Variants in EBF1 observed in about 807,000 individuals in gnomAD.
EBF1 encodes the protein transcription factor COE1.
Under a neutral mutation model 68.4 loss-of-function variants are expected in EBF1, and 10 were observed. That is an observed-to-expected ratio of 0.15 (90% CI 0.09 to 0.25). EBF1 has a LOEUF of 0.25. Among genes scored for constraint, EBF1 ranks in the 10% least tolerant of loss-of-function variants. EBF1 has a pLI of 1.00. For missense variants in EBF1, 509 were observed against 794.4 expected, an observed-to-expected ratio of 0.64 and a Z score of 4.32; for synonymous variants, 298 against 299.8, an observed-to-expected ratio of 0.99 and a Z score of 0.06.
chr5:158,735,154 G>A (rs910303503), intron 10 of EBF1, among the ~76,000 whole-genome samples: 9 of 152,188 alleles, frequency 5.9e-5, no homozygotes, highest in Admixed American at 1.3e-4. Context: ...CAAACTTTCC[G>A]AAAGGTACAC....
intron 6 of EBF1, among the ~76,000 whole-genome samples, chr5:158,848,719 T>C (rs1443604541): frequency 6.6e-6 from 1 of 152,230 alleles, no homozygotes; most frequent in African/African-American, 2.4e-5. Context: ...GCTGTTAATA[T>C]CTCCTTGTTC....
intron 6 of EBF1, among the ~76,000 whole-genome samples, chr5:158,866,876 TATATATATATATATATATAA>T (rs1796015600): frequency 2.0e-5 from 1 of 49,020 alleles, no homozygotes; most frequent in African/African-American, 7.6e-5. Flanking sequence ...TATATATATA[TATATATATATATATATATAA>T]AGCCACATAG....
At chr5:158,749,140 T>C (rs570231474) in intron 10 of EBF1, among the ~76,000 whole-genome samples, 2 of 152,188 alleles carry the variant, frequency 1.3e-5, no homozygotes, top group Non-Finnish European at 2.9e-5. Context: ...TCTTCCCGAG[T>C]ATGTGGCCTC....
chr5:158,877,602 G>T (rs2128079870), intron 6 of EBF1, among the ~76,000 whole-genome samples: 1 of 152,234 alleles, frequency 6.6e-6, no homozygotes, highest in Admixed American at 6.5e-5. Flanking sequence ...CAAAAATAGA[G>T]ACTAAATTAT....
chr5:159,002,591 A>T (rs1027077058), intron 6 of EBF1, among the ~76,000 whole-genome samples: 4 of 152,204 alleles, frequency 2.6e-5, no homozygotes, highest in African/African-American at 9.7e-5. Flanking sequence ...TAGGGCATTC[A>T]TCTTACAGTA....
At chr5:158,920,794 T>C (rs1562302974) in intron 6 of EBF1, among the ~76,000 whole-genome samples, 2 of 152,172 alleles carry the variant, frequency 1.3e-5, no homozygotes, top group Non-Finnish European at 2.9e-5. Flanking sequence ...CTCATAGATA[T>C]GCTTGCCCCT....
chr5:158,983,012 T>C (rs1345822558), intron 6 of EBF1: 1 of 152,342 alleles, frequency 6.6e-6, no homozygotes, highest in East Asian at 1.9e-4. Context: ...TGCCACACTT[T>C]ACCTAAGAGG....
At chr5:159,016,048 G>T (rs769443094) in intron 6 of EBF1, among the ~76,000 whole-genome samples, 1 of 152,170 alleles carries the variant, frequency 6.6e-6, no homozygotes, top group East Asian at 1.9e-4. Context: ...TAAATCCTTA[G>T]CATGTCTGGA....
intron 6 of EBF1, among the ~76,000 whole-genome samples, chr5:158,861,692 T>C (rs1190868410): frequency 6.6e-6 from 1 of 152,226 alleles, no homozygotes; most frequent in Non-Finnish European, 1.5e-5. Context: ...TAGTTTGACT[T>C]TAGCAGTTCC....
intron 6 of EBF1, among the ~76,000 whole-genome samples, chr5:158,940,058 G>A (rs771836476): frequency 7.9e-5 from 12 of 152,144 alleles, no homozygotes; most frequent in Non-Finnish European, 1.6e-4. Flanking sequence ...TACTTACCTG[G>A]CGGGTAGCTG....
intron 9 of EBF1, among the ~76,000 whole-genome samples, chr5:158,786,706 CTTGT>C (rs1195590646): frequency 6.6e-6 from 1 of 152,062 alleles, no homozygotes; most frequent in Non-Finnish European, 1.5e-5. Flanking sequence ...ATGTTCCTTG[CTTGT>C]TTGTTTGAAA....
intron 11 of EBF1, among the ~76,000 whole-genome samples, chr5:158,725,872 TG>T (rs1274731090): frequency 6.6e-6 from 1 of 152,162 alleles, no homozygotes; most frequent in Non-Finnish European, 1.5e-5. Flanking sequence ...GTCGGCTGTG[TG>T]AAATGACAAA....
chr5:158,878,054 G>A lies in EBF1; in HGVS notation c.555-37944C>T, dbSNP rs979289852. Among the ~76,000 whole-genome samples the A allele has an allele frequency of 7.3e-5, 11 of 151,576 alleles. No homozygotes were observed. The South Asian group carries it at 1.0e-3, about 14-fold the overall frequency. ...CCAAAGAAAACTTGTCACTGCTCAC[G>A]GGAGAAGTTTAAATCAATTTGCAAG... On this transcript the variant is annotated intron_variant, in intron 6 of 15. Transcript: ENST00000313708.
intron 6 of EBF1, among the ~76,000 whole-genome samples, chr5:159,056,566 T>C (rs1307229194): frequency 3.9e-5 from 6 of 152,210 alleles, no homozygotes; most frequent in Non-Finnish European, 8.8e-5. Context: ...ATTCCAAATG[T>C]GTGACAAACC....
At position 158,698,922 on chromosome 5, in the gene EBF1, C is replaced by T. The variant is rs933232024; in HGVS notation, c.*189G>A. 2.8e-5 allele frequency: 13 copies of T among 469,582 alleles called. No individual in the cohort carries two copies. Among genetic ancestry groups the T allele is most frequent in the South Asian group, 5.7e-5 (1 of 17,486 alleles). 29.1% of individuals were successfully genotyped at this position (469,582 alleles called of 1,614,324 possible). ...AGGTACAACTTTAACCAACACCCTG[C>T]ACTTGCAGATCCCTCTTCCAATTTC... On this transcript the variant is annotated 3_prime_UTR_variant, in exon 16 of 16. Transcript: ENST00000313708.
At chr5:158,796,871 T>TA in intron 8 of EBF1, among the ~76,000 whole-genome samples, 1 of 152,300 alleles carries the variant, frequency 6.6e-6, no homozygotes, top group Admixed American at 6.5e-5. Context: ...AAAGAAAACT[T>TA]ACGTTTTTTT....
chr5:158,877,921 C>T (rs1051691574), intron 6 of EBF1, among the ~76,000 whole-genome samples: 31 of 151,746 alleles, frequency 2.0e-4, no homozygotes, highest in Admixed American at 1.2e-3. Flanking sequence ...GCAAAACCAG[C>T]AAGGAATAGA....
At chr5:158,973,925 C>A (rs1756182835) in intron 6 of EBF1, among the ~76,000 whole-genome samples, 1 of 152,188 alleles carries the variant, frequency 6.6e-6, no homozygotes, top group South Asian at 2.1e-4. Context: ...TCTTTTGCCA[C>A]CACCTTGTAC....
At chr5:158,953,568 T>G (rs113009788) in intron 6 of EBF1, among the ~76,000 whole-genome samples, 1 of 152,160 alleles carries the variant, frequency 6.6e-6, no homozygotes, top group Non-Finnish European at 1.5e-5. Flanking sequence ...TACACTTTCT[T>G]TTTGAGAAAG....
Sources: allele counts gnomAD v4.1 joint callset (sites outside exome capture counted in the v4.1 genomes callset), GRCh38; gene constraint gnomAD v4.1.1; transcripts MANE v1.5; gene names NCBI Gene and HGNC (gene_info 2026-07-23, HGNC 2026-07-21).